Variants in PPL observed in about 807,000 individuals in gnomAD.
The protein encoded by PPL is periplakin.
A neutral mutation model predicts 194.4 loss-of-function variants in PPL; 198 were observed. The ratio of observed to expected loss-of-function variants is 1.02; its 90% CI spans 0.91 to 1.15. The LOEUF is 1.15. Among genes scored for constraint, PPL ranks in the 50% most tolerant of loss-of-function variants. PPL has a pLI of 0.00. For synonymous variants in PPL, 1,220 were observed against 972.4 expected, an observed-to-expected ratio of 1.25 and a Z score of -4.74; for missense variants, 2,885 against 2,294.8, an observed-to-expected ratio of 1.26 and a Z score of -5.25.
chr16:4,906,729 T>C (rs1464090847), intron 2 of PPL, among the ~76,000 whole-genome samples: 1 of 152,140 alleles, frequency 6.6e-6, no homozygotes, highest in Non-Finnish European at 1.5e-5. Flanking sequence ...AAGTTCAAAG[T>C]CGGGCAGAAC....
intron 18 of PPL, among the ~76,000 whole-genome samples, chr16:4,889,276 A>G (rs1371261813): frequency 4.1e-5 from 2 of 48,934 alleles, no homozygotes; most frequent in Non-Finnish European, 7.3e-5. Context: ...TTTTTTTTTG[A>G]GACAGTCTCA....
intron 8 of PPL, among the ~76,000 whole-genome samples, chr16:4,898,291 T>A (rs187138084): frequency 2.5e-3 from 388 of 152,218 alleles, no homozygotes; most frequent in Non-Finnish European, 4.8e-3. Context: ...GGCAGGAGAA[T>A]TGCTTGAACC....
intron 2 of PPL, among the ~76,000 whole-genome samples, chr16:4,907,050 GC>G (rs1357485874): frequency 1.5e-5 from 2 of 132,534 alleles, no homozygotes; most frequent in Non-Finnish European, 3.1e-5. Flanking sequence ...TTGGAGACCA[GC>G]CCGGGCAATA....
chr16:4,887,067 A>G, intron 21 of PPL, 68 bp downstream of exon 21: 1 of 1,298,222 alleles, frequency 7.7e-7, no homozygotes, highest in Non-Finnish European at 1.1e-6. Context: ...CCATTTCTCT[A>G]AGACAGAGTC....
chr16:4,886,289 C>T (rs1420965872), intron 21 of PPL, among the ~76,000 whole-genome samples: 9 of 152,172 alleles, frequency 5.9e-5, no homozygotes, highest in Non-Finnish European at 8.8e-5. Context: ...CCACGGTCTC[C>T]CACCTCTGGT....
chr16:4,891,971 C>CG, intron 15 of PPL, 22 bp from the exon 16 acceptor site: 1 of 1,610,858 alleles, frequency 6.2e-7, no homozygotes, highest in Non-Finnish European at 8.5e-7. Flanking sequence ...AATCAGGCGT[C>CG]GGGGGATGCC....
At chr16:4,928,750 C>G (rs1487510331) in intron 1 of PPL, among the ~76,000 whole-genome samples, 1 of 152,174 alleles carries the variant, frequency 6.6e-6, no homozygotes, top group Non-Finnish European at 1.5e-5. Flanking sequence ...GTGGCTCATG[C>G]CTGTAATCCC....
Position 4,884,723 on chromosome 16 carries a change from A to C in PPL, c.3932T>G (p.Leu1311Arg). 1 of 1,614,088 alleles carries C rather than the reference A, an allele frequency of 6.2e-7. No individual in the cohort carries two copies. Among genetic ancestry groups the C allele is most frequent in the Non-Finnish European group, 8.5e-7 (1 of 1,180,020 alleles). Residue 1311 changes from leucine to arginine, a missense_variant, in exon 22 of 22, where the codon CTG becomes CGG. Coordinates refer to ENST00000345988, the MANE Select transcript of PPL (RefSeq NM_002705.5). This position sits in a 1 kb window ranked among gnomAD's most constrained non-coding sequence, Gnocchi z 5.7. ...CTGCTCCTCTGAGAGCTTTGCCCTC[A>C]GAGACGCCACCTCCTCCTTGGTTTG... ...DPQTKEEVAS[L>R]RAKLSEEQKK...
At chr16:4,889,240 T>TG (rs756841482) in intron 18 of PPL, among the ~76,000 whole-genome samples, 179 bp from the exon 19 acceptor site, 4,250 of 49,256 alleles carry the variant, frequency 0.086, 282 homozygotes, top group Admixed American at 0.16. Flanking sequence ...TTGTTGTTGT[T>TG]GTTTTTTTTT....
chr16:4,932,564 C>T (rs961410621), intron 1 of PPL, among the ~76,000 whole-genome samples: 2 of 152,038 alleles, frequency 1.3e-5, no homozygotes, highest in Non-Finnish European at 2.9e-5. Context: ...CAGGTTTCCG[C>T]CACCACACCC....
In PPL at chr16:4,884,653, C is replaced by T. The variant is rs1176781463; in HGVS notation, c.4002G>A (p.Glu1334=). Residue 1334 remains glutamate, a synonymous_variant, in exon 22 of 22, where the codon GAG becomes GAA. Transcript: ENST00000345988. This position sits in a 1 kb window ranked among gnomAD's most constrained non-coding sequence, Gnocchi z 5.7. ...DLERERASQE[E]QIARKEEELS... ...GCTCCTCCTCTTTCCGGGCGATCTG[C>T]TCTTCCTGGGAAGCTCTTTCCCTCT... 16 of 1,614,092 alleles carry T rather than the reference C, an allele frequency of 9.9e-6. No homozygotes were observed. Among genetic ancestry groups the T allele is most frequent in the Non-Finnish European group, 1.4e-5 (16 of 1,180,046 alleles).
rs368122893 is a variant in PPL, at chr16:4,891,984, C to A, written c.1830-35G>T. ...CCAATCAGGCGTCGGGGGATGCCCA[C>A]CTGGCCCCCTGACCCCACCCCAACC... On this transcript the variant is annotated intron_variant, in intron 15 of 21. Transcript: ENST00000345988. 63 of 1,610,644 alleles carry A rather than the reference C, an allele frequency of 3.9e-5. No individual in the cohort carries two copies. The Middle Eastern group carries it at 4.9e-4, about 13-fold the overall frequency.
chr16:4,902,370 G>A lies in PPL; in HGVS notation c.438+36C>T, dbSNP rs760890094. The A allele has an allele frequency of 6.2e-7, 1 of 1,611,056 alleles. No individual in the cohort carries two copies. The highest frequency in any genetic ancestry group is 8.5e-7 in the Non-Finnish European group (1 of 1,178,474). ...CACACGCACAGCCCCCTCCCCAGCTGAAACCCTGGAGCCAGCGGCCCCGTC... is the reference window on the plus strand; with the variant it reads ...CACACGCACAGCCCCCTCCCCAGCTAAAACCCTGGAGCCAGCGGCCCCGTC... On this transcript the variant is annotated intron_variant, in intron 4 of 21. Coordinates refer to ENST00000345988, the MANE Select transcript of PPL (RefSeq NM_002705.5). The surrounding 1 kb of genome is among the most constrained non-coding windows in gnomAD (Gnocchi z 4.0).
intron 21 of PPL, among the ~76,000 whole-genome samples, chr16:4,886,776 G>A (rs1216969918): frequency 2.0e-5 from 3 of 152,118 alleles, no homozygotes; most frequent in Admixed American, 6.6e-5. Flanking sequence ...GCGCCACGAC[G>A]CCCAGCTAAT....
At chr16:4,909,700 T>C (rs1324034337) in intron 2 of PPL, among the ~76,000 whole-genome samples, 1 of 152,158 alleles carries the variant, frequency 6.6e-6, no homozygotes, top group Non-Finnish European at 1.5e-5. Flanking sequence ...GTACTGGGAT[T>C]ACGGCCGTGT....
At chr16:4,925,249 T>C (rs1006358536) in intron 1 of PPL, among the ~76,000 whole-genome samples, 1 of 152,224 alleles carries the variant, frequency 6.6e-6, no homozygotes, top group African/African-American at 2.4e-5. Context: ...AGGGCCAGCT[T>C]GGGGGAGGTG....
chr16:4,904,061 G>A, intron 2 of PPL, 21 bp from the exon 3 acceptor site: 2 of 1,607,296 alleles, frequency 1.2e-6, no homozygotes, highest in Non-Finnish European at 1.7e-6. Context: ...CACAAGAGAG[G>A]GGACAATGAA....
At position 4,889,253 on chromosome 16, in the gene PPL, T is replaced by TGG. The variant is rs1567992937; in HGVS notation, c.2314-193_2314-192insCC. Among the ~76,000 whole-genome samples, 37 of 117,548 alleles carry TGG rather than the reference T, an allele frequency of 3.1e-4. 3 individuals are homozygous for TGG. The highest frequency in any genetic ancestry group is 2.4e-4 in the East Asian group (1 of 4,212). 77.1% of individuals were successfully genotyped at this position (117,548 alleles called of 152,430 possible). On this transcript the variant is annotated intron_variant, in intron 18 of 21. Coordinates refer to ENST00000345988, the MANE Select transcript of PPL (RefSeq NM_002705.5). ...TTTTGTTGTTGTTGTTTTTTTTTTTTTTTTTTTTTTTTTTTTTTTTTGAGA... is the reference window on the plus strand; with the variant it reads ...TTTTGTTGTTGTTGTTTTTTTTTTTTGGTTTTTTTTTTTTTTTTTTTTTGAGA...
intron 1 of PPL, among the ~76,000 whole-genome samples, chr16:4,935,711 A>G (rs927385193): frequency 6.6e-6 from 1 of 152,042 alleles, no homozygotes; most frequent in Non-Finnish European, 1.5e-5. Flanking sequence ...GGAGTGTCGC[A>G]CTCCAGCGTG....
Sources: gnomAD v4.1 joint callset for allele counts (sites outside exome capture counted in the v4.1 genomes callset) on GRCh38, gnomAD v4.1.1 for gene constraint, Gnocchi (gnomAD v3.1) non-coding constraint, MANE v1.5 for transcripts, NCBI Gene and HGNC (gene_info 2026-07-23, HGNC 2026-07-21) for gene names.